The following COX5A variants were observed in gnomAD, a reference collection of about 807,000 sequenced individuals.
COX5A encodes the protein cytochrome c oxidase subunit 5A.
COX5A carries 6 observed loss-of-function variants against 16.1 expected under a neutral mutation model. That is an observed-to-expected ratio of 0.37 (90% CI 0.20 to 0.73). The LOEUF (loss-of-function observed/expected upper bound fraction) is 0.73, where lower values mean the gene tolerates loss of function less well. Among genes scored for constraint, COX5A ranks in the 30% least tolerant of loss-of-function variants. The probability of loss-of-function intolerance (pLI) is 0.50; values close to 1 mark genes in which losing one functional copy is unlikely to be tolerated. For missense variants in COX5A, 159 were observed against 194.9 expected (o/e 0.82, Z 1.10); for synonymous variants, 73 against 73.8 (o/e 0.99, Z 0.06).
At chr15:74,935,869 C>CAA (rs2065387743) in intron 1 of COX5A, among the ~76,000 whole-genome samples, 1 of 151,188 alleles carries the variant, frequency 6.6e-6, no homozygotes, top group African/African-American at 2.4e-5. Flanking sequence ...GGATTACAGG[C>CAA]GTGAGCCACC....
At chr15:74,925,123 G>C (rs2065337584) in intron 3 of COX5A, among the ~76,000 whole-genome samples, 1 of 152,078 alleles carries the variant, frequency 6.6e-6, no homozygotes, top group Non-Finnish European at 1.5e-5. Context: ...AGGAGTTTGA[G>C]ATCAGCCTGA....
Position 74,928,407 on chromosome 15 carries a change from CAG to C in COX5A, c.217+707_217+708del, listed in dbSNP as rs1483705153. On this transcript the variant is annotated intron_variant, in intron 2 of 4. Transcript: ENST00000322347. ...TAAATTCTTTTTTTTTTTTCTGAGACAGAGTCTCACTCTGTTGCCCAGGCTGG... is the reference window on the plus strand; with the variant it reads ...TAAATTCTTTTTTTTTTTTCTGAGACAGTCTCACTCTGTTGCCCAGGCTGG... Among the ~76,000 whole-genome samples, 4 of 151,484 alleles carry C rather than the reference CAG, an allele frequency of 2.6e-5. No individual in the cohort carries two copies. The South Asian group carries it at 6.2e-4, about 24-fold the overall frequency.
intron 1 of COX5A, among the ~76,000 whole-genome samples, chr15:74,930,535 C>T (rs1020154602): frequency 6.0e-5 from 9 of 149,968 alleles, no homozygotes; most frequent in Non-Finnish European, 1.0e-4. Flanking sequence ...GACAGGCTCT[C>T]GCTCTGTTGT....
chr15:74,927,311 G>C (rs1430330033), intron 2 of COX5A, among the ~76,000 whole-genome samples: 3 of 151,946 alleles, frequency 2.0e-5, no homozygotes, highest in African/African-American at 7.3e-5. Context: ...CAAGTAGCTG[G>C]GATTACAGGC....
At chr15:74,922,687 A>G (rs1566977305) in intron 4 of COX5A, among the ~76,000 whole-genome samples, 1 of 139,034 alleles carries the variant, frequency 7.2e-6, no homozygotes, top group Non-Finnish European at 1.5e-5. Flanking sequence ...TTTTTTTGAG[A>G]CAGAGTCTCA....
chr15:74,926,748 C>T lies in COX5A; in HGVS notation c.339+18G>A. 1 of 1,599,364 alleles carries T rather than the reference C, an allele frequency of 6.3e-7. No homozygotes were observed. Among genetic ancestry groups the T allele is most frequent in the Non-Finnish European group, 8.5e-7 (1 of 1,173,450 alleles). ...CCACTCATTTACAGAACAATTTTAG[C>T]ATTATTATTTCACTGACCTTAACAA... is the stretch of plus-strand genomic sequence containing the variant. On this transcript the variant is annotated intron_variant, in intron 3 of 4. Transcript: ENST00000322347.
At chr15:74,927,000 A>G in intron 2 of COX5A, 113 bp from the exon 3 acceptor site, 2 of 1,152,844 alleles carry the variant, frequency 1.7e-6, no homozygotes, top group East Asian at 2.7e-5. Context: ...CTGGGTCTCC[A>G]TTCTCTTACC....
chr15:74,934,578 G>A (rs541310446), intron 1 of COX5A, among the ~76,000 whole-genome samples: 1 of 152,182 alleles, frequency 6.6e-6, no homozygotes, highest in South Asian at 2.1e-4. Flanking sequence ...TGATCCGCCC[G>A]CCTCAGCCTA....
In COX5A at chr15:74,928,446, G is replaced by A. The variant is rs191743151; in HGVS notation, c.217+670C>T. ...GTTGCCCAGGCTGGAGTGCAGTGGC[G>A]CGATCTCGGCTCACTGCAAGCTCTG... On this transcript the variant is annotated intron_variant, in intron 2 of 4. Transcript: ENST00000322347. Among the ~76,000 whole-genome samples the A allele has an allele frequency of 2.0e-4, 30 of 151,794 alleles. 1 individual carries two copies. In the East Asian group the frequency reaches 2.9e-3, roughly 15 times the overall value.
intron 4 of COX5A, 173 bp downstream of exon 4, chr15:74,923,475 A>G (rs2065330715): frequency 7.7e-6 from 4 of 516,904 alleles, no homozygotes; most frequent in Non-Finnish European, 1.4e-5. Context: ...AACAACTAGA[A>G]ATCATTTCAG....
At chr15:74,921,431 A>G (rs2065320148) in intron 4 of COX5A, among the ~76,000 whole-genome samples, 1 of 141,002 alleles carries the variant, frequency 7.1e-6, no homozygotes, top group Non-Finnish European at 1.6e-5. Flanking sequence ...AAAAAAGAAA[A>G]AGAATATCAA....
intron 1 of COX5A, among the ~76,000 whole-genome samples, chr15:74,931,491 ACT>A (rs1210464419): frequency 1.3e-5 from 2 of 151,736 alleles, no homozygotes; most frequent in Non-Finnish European, 2.9e-5. Flanking sequence ...ACACAGCAAG[ACT>A]CTGTCTCAAA....
At chr15:74,922,367 A>G (rs1175164622) in intron 4 of COX5A, among the ~76,000 whole-genome samples, 1 of 151,438 alleles carries the variant, frequency 6.6e-6, no homozygotes, top group Non-Finnish European at 1.5e-5. Context: ...CCTAGGTGAC[A>G]GAGTGAGACT....
intron 3 of COX5A, among the ~76,000 whole-genome samples, chr15:74,924,106 G>A (rs567402916): frequency 2.6e-4 from 39 of 152,174 alleles, no homozygotes; most frequent in Non-Finnish European, 4.4e-4. Context: ...GCTTGAACCC[G>A]GGAAGCGGAG....
chr15:74,920,115 T>C lies in COX5A; in HGVS notation c.*337A>G. 2.1e-6 allele frequency: 1 copy of C among 466,340 alleles called. No homozygotes were observed. Among genetic ancestry groups the C allele is most frequent in the Non-Finnish European group, 3.7e-6 (1 of 269,840 alleles). 28.9% of individuals were successfully genotyped at this position (466,340 alleles called of 1,614,324 possible). On this transcript the variant is annotated 3_prime_UTR_variant, in exon 5 of 5. Transcript: ENST00000322347. ...TCTAGCCTTCAGCTAATTTACAAGC[T>C]AGGGCACCCAAACATATTAATGAAG...
intron 1 of COX5A, among the ~76,000 whole-genome samples, chr15:74,935,818 G>C (rs181661617): frequency 1.3e-5 from 2 of 149,970 alleles, no homozygotes; most frequent in Non-Finnish European, 3.0e-5. Flanking sequence ...TGGAACTTCT[G>C]ATCTCAGGTA....
Position 74,929,070 on chromosome 15 carries a change from C to T in COX5A, c.217+46G>A, listed in dbSNP as rs780408288. The T allele has an allele frequency of 9.8e-6, 13 of 1,325,532 alleles. No individual in the cohort carries two copies. The East Asian group carries it at 3.0e-4, about 31-fold the overall frequency. The allele number at this position is 1,325,532 out of a possible 1,614,324, so 82.1% of individuals were successfully genotyped here. ...TCTCAATAAAGGAGCAGAAGCAGTT[C>T]ATATTTACACACCAAAATAGACAAA... On this transcript the variant is annotated intron_variant, in intron 2 of 4. Transcript: ENST00000322347.
At chr15:74,927,117 T>C (rs779428261) in intron 2 of COX5A, among the ~76,000 whole-genome samples, 7 of 152,022 alleles carry the variant, frequency 4.6e-5, no homozygotes, top group Admixed American at 2.0e-4. Flanking sequence ...AGCACGCAGA[T>C]TGAAGGAAAA....
intron 1 of COX5A, among the ~76,000 whole-genome samples, chr15:74,933,419 ATATCTATCTATCTATC>A (rs56686416): frequency 0.076 from 10,880 of 143,396 alleles, 479 homozygotes; most frequent in South Asian, 0.14. Flanking sequence ...AAAAAAAAAA[ATATCTATCTATCTATC>A]TATCTATCTA....
Sources: gnomAD v4.1 joint callset for allele counts (sites outside exome capture counted in the v4.1 genomes callset) on GRCh38, gnomAD v4.1.1 for gene constraint, MANE v1.5 for transcripts, NCBI Gene and HGNC (gene_info 2026-07-23, HGNC 2026-07-21) for gene names.